The following USH1C variants were observed in gnomAD, a reference collection of about 807,000 sequenced individuals.
USH1C encodes the protein harmonin.
In USH1C, 90 loss-of-function variants were observed where a neutral mutation model predicts 119.3. The ratio of observed to expected loss-of-function variants is 0.75; its 90% CI spans 0.64 to 0.90. The LOEUF (loss-of-function observed/expected upper bound fraction) is 0.90. USH1C is among the 40% of genes least tolerant of loss of function. The pLI is 0.00. For missense variants in USH1C, 1,165 were observed against 1,167.7 expected (o/e 1.00, Z 0.03); for synonymous variants, 465 against 443.3 (o/e 1.05, Z -0.62).
At chr11:17,523,169 G>A in intron 11 of USH1C, 42 bp downstream of exon 11, 1 of 1,613,600 alleles carries the variant, frequency 6.2e-7, no homozygotes, top group East Asian at 2.2e-5. Context: ...AGGGGCTGGG[G>A]ATGAAGGTCA....
intron 19 of USH1C, 122 bp downstream of exon 19, chr11:17,505,708 A>T: frequency 7.0e-7 from 1 of 1,430,182 alleles, no homozygotes; most frequent in Non-Finnish European, 9.6e-7. Flanking sequence ...AGGTTAAGAG[A>T]TGGCATCTGT....
intron 15 of USH1C, chr11:17,514,395 T>G (rs1483826838): frequency 6.6e-6 from 1 of 152,208 alleles, no homozygotes; most frequent in Non-Finnish European, 1.5e-5. Context: ...ATTTTTGAAT[T>G]TTTAATAGAG....
In USH1C at chr11:17,495,591, A is replaced by T. The variant is rs1159070800; in HGVS notation, c.2633T>A (p.Phe878Tyr). ...CACCGTGGGCTCCAGCTGCAGGAGG[A>T]ACCCGTGTCTGTGCACGGCAGCACG... ...EDRAAVHRHG[F>Y]LLQLEPTDLL... The change falls in exon 26 of 27, where the codon TTC becomes TAC. Residue 878 changes from phenylalanine (F) to tyrosine (Y), a missense_variant. Physicochemically the swap from Phe to Tyr is conservative, Grantham distance 22. Transcript: ENST00000005226. 6.2e-7 allele frequency: 1 copy of T among 1,614,164 alleles called. No homozygotes were observed. The highest frequency in any genetic ancestry group is 8.5e-7 in the Non-Finnish European group (1 of 1,180,032).
intron 14 of USH1C, among the ~76,000 whole-genome samples, chr11:17,519,029 A>G (rs1324410928): frequency 6.6e-6 from 1 of 151,916 alleles, no homozygotes; most frequent in African/African-American, 2.4e-5. Flanking sequence ...CTCAAGAAAA[A>G]AAAAAAAGCA....
intron 1 of USH1C, among the ~76,000 whole-genome samples, chr11:17,536,825 T>G (rs1244467155): frequency 6.6e-6 from 1 of 152,236 alleles, no homozygotes; most frequent in East Asian, 1.9e-4. Context: ...ATTTAAACAA[T>G]TCTCTATAGA....
chr11:17,523,125 A>G (rs1217567587), intron 11 of USH1C, 86 bp downstream of exon 11: 1 of 1,601,546 alleles, frequency 6.2e-7, no homozygotes, highest in African/African-American at 1.3e-5. Context: ...GAGACCAGCC[A>G]CCCTGGGAGT....
chr11:17,507,205 G>C (rs1011191406), intron 18 of USH1C, among the ~76,000 whole-genome samples: 8 of 152,214 alleles, frequency 5.3e-5, no homozygotes, highest in Non-Finnish European at 1.0e-4. Flanking sequence ...GGGAGGAGGA[G>C]GGTGGGTGGT....
intron 1 of USH1C, chr11:17,533,705 G>C (rs1424705804): frequency 4.2e-6 from 2 of 480,466 alleles, no homozygotes; most frequent in Non-Finnish European, 8.2e-6. Context: ...GCCAGAAGAA[G>C]CCCACTGTCT....
chr11:17,530,864 T>C (rs1032196890), intron 4 of USH1C, among the ~76,000 whole-genome samples: 2 of 152,132 alleles, frequency 1.3e-5, no homozygotes, highest in Non-Finnish European at 2.9e-5. Context: ...TCTTCCTCTC[T>C]TGGGGAGTAG....
chr11:17,537,621 C>A (rs530147764), intron 1 of USH1C, among the ~76,000 whole-genome samples: 1 of 152,158 alleles, frequency 6.6e-6, no homozygotes, highest in East Asian at 1.9e-4. Context: ...TAGGTCCCAG[C>A]GACTCCATCT....
intron 12 of USH1C, 117 bp downstream of exon 12, chr11:17,522,666 TG>T: frequency 6.9e-7 from 1 of 1,456,880 alleles, no homozygotes; most frequent in Non-Finnish European, 9.5e-7. Context: ...GTCTGAGGAC[TG>T]GCCTCCAGGG....
chr11:17,505,847 C>T lies in USH1C; in HGVS notation c.2116G>A (p.Val706Met). 6.2e-7 allele frequency: 1 copy of T among 1,614,128 alleles called. No homozygotes were observed. The highest frequency in any genetic ancestry group is 8.5e-7 in the Non-Finnish European group (1 of 1,179,976). ...QEPNFIYRPA[V>M]KSEVLPQEML... is the part of the protein sequence containing the mutation. ...GGGCTTACCAGAACTTCAGATTTCA[C>T]AGCTGGCCTGTAGATGAAATTGGGC... is the stretch of plus-strand genomic sequence containing the variant. Residue 706 changes from valine to methionine, a missense_variant, in exon 19 of 27, where the codon GTG becomes ATG. Transcript: ENST00000005226.
chr11:17,526,644 G>A (rs1241799332), intron 7 of USH1C, 109 bp downstream of exon 7: 1 of 1,328,838 alleles, frequency 7.5e-7, no homozygotes. Context: ...GGGAGCCTGT[G>A]TGAAGCCCCT....
At position 17,544,399 on chromosome 11, in the gene USH1C, C is replaced by G; in HGVS notation, c.-92G>C. ...GGAAAGAGCCGCGACCGCGACCGGG[C>G]CAGCCGCCCTCGGAGCTGGGGGCGG... On this transcript the variant is annotated 5_prime_UTR_variant, in exon 1 of 27. Coordinates refer to ENST00000005226, the MANE Select transcript of USH1C (RefSeq NM_153676.4). 1 of 1,584,350 alleles carries G rather than the reference C, an allele frequency of 6.3e-7. No individual in the cohort carries two copies. The highest frequency in any genetic ancestry group is 8.6e-7 in the Non-Finnish European group (1 of 1,158,962).
In USH1C at chr11:17,531,265, A is replaced by G. The variant is rs367957451; in HGVS notation, c.276T>C (p.Arg92=). The G allele has an allele frequency of 2.4e-5, 38 of 1,614,022 alleles. No individual in the cohort carries two copies. The highest frequency in any genetic ancestry group is 3.1e-5 in the Non-Finnish European group (36 of 1,180,046). ...SRKLKEVRLD[R]LHPEGLGLSV... is the part of the protein sequence containing the mutation. ...TCAGGCCGAGGCCTTCGGGGTGCAG[A>G]CGGTCCAGACGCACCTCCTTCAGCT... The change falls in exon 4 of 27, where the codon CGT becomes CGC. Residue 92 remains arginine (R), a synonymous_variant. Transcript: ENST00000005226. The surrounding 1 kb of genome is among the most constrained non-coding windows in gnomAD (Gnocchi z 4.2).
intron 26 of USH1C, 107 bp from the exon 27 acceptor site, chr11:17,494,483 A>G (rs1166443693): frequency 3.8e-6 from 5 of 1,301,740 alleles, no homozygotes; most frequent in Non-Finnish European, 5.4e-6. Flanking sequence ...TGGCAGCACA[A>G]GGCCCTGCCA....
rs760081219 is a variant in USH1C, at chr11:17,526,338, G to T, written c.674+9C>A. On this transcript the variant is annotated intron_variant, in intron 8 of 26. Coordinates refer to ENST00000005226, the MANE Select transcript of USH1C (RefSeq NM_153676.4). ...CCACGAATGACCCCAGGGCATGCCT[G>T]CCACCCACCTGCAGCCAAGGCCTCG... The T allele has an allele frequency of 1.2e-6, 2 of 1,612,014 alleles. No individual in the cohort carries two copies. The highest frequency in any genetic ancestry group is 1.3e-5 in the African/African-American group (1 of 74,894).
chr11:17,499,296 G>A (rs1475355545), intron 23 of USH1C, among the ~76,000 whole-genome samples: 3 of 152,208 alleles, frequency 2.0e-5, no homozygotes, highest in African/African-American at 7.2e-5. Context: ...TGACAATGGT[G>A]GCCATGGTGG....
intron 2 of USH1C, among the ~76,000 whole-genome samples, chr11:17,532,184 C>CA (rs1565065542): frequency 6.6e-6 from 1 of 152,244 alleles, no homozygotes; most frequent in African/African-American, 2.4e-5. Flanking sequence ...CCTACTCCCC[C>CA]AGATTACTTA....
Sources: allele counts gnomAD v4.1 joint callset (sites outside exome capture counted in the v4.1 genomes callset), GRCh38; gene constraint gnomAD v4.1.1; non-coding constraint Gnocchi (gnomAD v3.1); transcripts MANE v1.5; gene names NCBI Gene and HGNC (gene_info 2026-07-23, HGNC 2026-07-21).